CABIN1: variants seen among roughly 807,000 people sequenced by gnomAD.
CABIN1 encodes the protein calcineurin-binding protein cabin-1.
In CABIN1, 133 loss-of-function variants were observed where a neutral mutation model predicts 227.7. The observed-to-expected ratio is 0.58, with a 90% CI of 0.51 to 0.67. The LOEUF (loss-of-function observed/expected upper bound fraction) is 0.67, where lower values mean the gene tolerates loss of function less well. CABIN1 is among the 30% of genes least tolerant of loss of function. CABIN1 has a pLI of 0.00. For synonymous variants in CABIN1, 1,086 were observed against 1,155.1 expected (o/e 0.94, Z 1.21); for missense variants, 2,408 against 2,852.5 (o/e 0.84, Z 3.55).
At chr22:24,105,161 G>A (rs2042440209) in intron 26 of CABIN1, among the ~76,000 whole-genome samples, 1 of 152,306 alleles carries the variant, frequency 6.6e-6, no homozygotes, top group South Asian at 2.1e-4. Flanking sequence ...GGGACAGGCA[G>A]CCTTTCTGTC....
intron 26 of CABIN1, chr22:24,101,680 G>A (rs1161594580): frequency 6.6e-6 from 1 of 152,278 alleles, no homozygotes; most frequent in African/African-American, 2.4e-5. Flanking sequence ...CAATCTCTTG[G>A]AATTTGCCCA....
Position 24,085,119 on chromosome 22 carries a change from C to G in CABIN1, c.3231C>G (p.Phe1077Leu). 1 of 1,614,200 alleles carries G rather than the reference C, an allele frequency of 6.2e-7. No homozygotes were observed. Among genetic ancestry groups the G allele is most frequent in the East Asian group, 2.2e-5 (1 of 44,882 alleles). ...KNKEQSKAIKFYMHDICICPN... is the reference protein window; with the variant it reads ...KNKEQSKAIKLYMHDICICPN... ...AGGAGCAGTCCAAGGCCATCAAGTTCTACATGCATGACATCTGCATCTGCC... is the reference window on the plus strand; with the variant it reads ...AGGAGCAGTCCAAGGCCATCAAGTTGTACATGCATGACATCTGCATCTGCC... Residue 1077 changes from phenylalanine (F) to leucine (L), a missense_variant, in exon 22 of 37, where the codon TTC (phenylalanine) becomes TTG (leucine). This residue lies in a region of CABIN1 where 649 missense variants were observed against 910.3 expected (regional missense o/e 0.71). Coordinates refer to ENST00000263119, the MANE Select transcript of CABIN1 (RefSeq NM_012295.4).
At chr22:24,164,649 C>A in intron 30 of CABIN1, 86 bp downstream of exon 30, 1 of 1,465,538 alleles carries the variant, frequency 6.8e-7, no homozygotes, top group Non-Finnish European at 9.3e-7. Flanking sequence ...ACTGCTCTGG[C>A]CCAGCTGTGA....
rs145864566 is a variant in CABIN1 at position 24,136,524 on chromosome 22, A to ATTTTTTT, written c.4746+2127_4746+2133dup. 2.1e-3 allele frequency among the ~76,000 whole-genome samples: 148 copies of ATTTTTTT among 69,860 alleles called. 10 individuals carry two copies. The highest frequency in any genetic ancestry group is 8.4e-3 in the African/African-American group (138 of 16,466). The allele number at this position is 69,860 out of a possible 152,430, so 45.8% of individuals were successfully genotyped here. ...ACTGCCACGCCCAGCTAATTTTTGT[A>ATTTTTTT]TTTTTTTTTTTTTTTTTTTTTTTTA... is the stretch of plus-strand genomic sequence containing the variant. On this transcript the variant is annotated intron_variant, in intron 29 of 36. Transcript: ENST00000263119.
intron 29 of CABIN1, chr22:24,162,210 C>T (rs1389492280): frequency 1.3e-5 from 2 of 152,236 alleles, no homozygotes; most frequent in South Asian, 2.1e-4. Context: ...CCTCACCGTT[C>T]GGGAGGTATG....
At chr22:24,049,259 A>G in intron 7 of CABIN1, 39 bp downstream of exon 7, 2 of 1,607,704 alleles carry the variant, frequency 1.2e-6, no homozygotes, top group Non-Finnish European at 1.7e-6. Flanking sequence ...GTGCACGCTT[A>G]CTGTGTGGCT....
At chr22:24,059,783 C>T (rs571234246) in intron 11 of CABIN1, 141 bp from the exon 12 acceptor site, 3 of 786,408 alleles carry the variant, frequency 3.8e-6, no homozygotes, top group Non-Finnish European at 6.6e-6. Flanking sequence ...AGCCTGATCT[C>T]AGCACCACAA....
chr22:24,025,486 T>G (rs2036017388), intron 1 of CABIN1, among the ~76,000 whole-genome samples: 1 of 152,122 alleles, frequency 6.6e-6, no homozygotes, highest in South Asian at 2.1e-4. Flanking sequence ...CACATTTTTG[T>G]AGGTTTGGAA....
intron 27 of CABIN1, among the ~76,000 whole-genome samples, chr22:24,116,003 C>T (rs1375643149): frequency 2.0e-5 from 3 of 152,214 alleles, no homozygotes; most frequent in Non-Finnish European, 2.9e-5. Context: ...ATGAGATGCG[C>T]TCCCTCCCAC....
intron 4 of CABIN1, among the ~76,000 whole-genome samples, chr22:24,040,206 G>A (rs780352811): frequency 9.2e-5 from 14 of 152,220 alleles, no homozygotes; most frequent in Non-Finnish European, 1.9e-4. Flanking sequence ...GTTCTTGGGG[G>A]CCTTTTTGTA....
Position 24,087,540 on chromosome 22 carries a change from A to G in CABIN1, c.3352A>G (p.Ile1118Val), listed in dbSNP as rs35874284. 53 of 1,614,184 alleles carry G rather than the reference A, an allele frequency of 3.3e-5. No individual in the cohort carries two copies. The African/African-American group carries it at 6.7e-4, about 20-fold the overall frequency. Residue 1118 changes from isoleucine to valine, a missense_variant, in exon 23 of 37, where the codon ATT becomes GTT. Around this residue, in one of 3 missense-constraint regions of CABIN1, gnomAD observed 649 missense variants for 910.3 expected, o/e 0.71. Coordinates refer to ENST00000263119, the MANE Select transcript of CABIN1 (RefSeq NM_012295.4). ...CAATGAGCTGAAGAGTGATGGGCCCATTTGGAAGCATGCCACGCCCGTCTT... is the reference window on the plus strand; with the variant it reads ...CAATGAGCTGAAGAGTGATGGGCCCGTTTGGAAGCATGCCACGCCCGTCTT... The part of the protein sequence containing the change: ...NSNELKSDGP[I>V]WKHATPVLNC...
intron 26 of CABIN1, among the ~76,000 whole-genome samples, chr22:24,112,636 G>C (rs1251205130): frequency 6.6e-6 from 1 of 152,134 alleles, no homozygotes; most frequent in Non-Finnish European, 1.5e-5. Flanking sequence ...CTCAGACTTA[G>C]GTGGGCTCTG....
Position 24,141,392 on chromosome 22 carries a change from A to G in CABIN1, c.4746+6977A>G, listed in dbSNP as rs115398132. Among the ~76,000 whole-genome samples, 126 of 152,202 alleles carry G rather than the reference A, an allele frequency of 8.3e-4. 1 individual carries two copies. Among genetic ancestry groups the G allele is most frequent in the African/African-American group, 2.9e-3 (119 of 41,522 alleles). ...CTGGTGGTCTACCTCCCCTCTTCCT[A>G]GCGGATAGGTGGCTTTTGGTTTTCC... On this transcript the variant is annotated intron_variant, in intron 29 of 36. Coordinates refer to ENST00000263119, the MANE Select transcript of CABIN1 (RefSeq NM_012295.4).
chr22:24,145,663 C>T lies in CABIN1; in HGVS notation c.4746+11248C>T, dbSNP rs947771936. Among the ~76,000 whole-genome samples, 5 of 152,232 alleles carry T rather than the reference C, an allele frequency of 3.3e-5. No individual in the cohort carries two copies. In the East Asian group the frequency reaches 7.7e-4, roughly 24 times the overall value. ...TGCCAGGCATGTGGCCCTGGGTCTGCGTGCATGCATATGTCTGTCCTCCAA... is the reference window on the plus strand; with the variant it reads ...TGCCAGGCATGTGGCCCTGGGTCTGTGTGCATGCATATGTCTGTCCTCCAA... On this transcript the variant is annotated intron_variant, in intron 29 of 36. Transcript: ENST00000263119.
chr22:24,158,614 C>T (rs1169590380), intron 29 of CABIN1, among the ~76,000 whole-genome samples: 1 of 152,150 alleles, frequency 6.6e-6, no homozygotes, highest in East Asian at 1.9e-4. Context: ...ACTGCTATAC[C>T]CCTGACTCGG....
Position 24,166,878 on chromosome 22 carries a change from T to TAAA in CABIN1, c.5248_5250dup (p.Lys1750dup), listed in dbSNP as rs2046477184. The TAAA allele has an allele frequency of 6.2e-7, 1 of 1,611,344 alleles. No homozygotes were observed. The highest frequency in any genetic ancestry group is 1.3e-5 in the African/African-American group (1 of 74,836). ...CAGACCAAAGCGGGGAGCGGAAGGA[T>TAAA]AAAGAGAGCCCACGGGCAGGGCCCA... On this transcript the variant is annotated inframe_insertion, in exon 32 of 37. Transcript: ENST00000263119.
At chr22:24,173,313 G>A (rs978809486) in intron 34 of CABIN1, 1 of 152,200 alleles carries the variant, frequency 6.6e-6, no homozygotes, top group African/African-American at 2.4e-5. Context: ...GTCTTCCTCA[G>A]CTCTTTCCCA....
At chr22:24,058,695 C>T (rs2038977379) in intron 10 of CABIN1, among the ~76,000 whole-genome samples, 1 of 152,238 alleles carries the variant, frequency 6.6e-6, no homozygotes, top group African/African-American at 2.4e-5. Flanking sequence ...CTGGCCTGTG[C>T]CTTTGTACCT....
intron 1 of CABIN1, among the ~76,000 whole-genome samples, chr22:24,025,572 A>AGCT (rs2036023490): frequency 6.6e-6 from 1 of 152,208 alleles, no homozygotes; most frequent in Admixed American, 6.5e-5. Flanking sequence ...GGGGGATGGT[A>AGCT]GCTGAGTCAA....
Sources: allele counts gnomAD v4.1 joint callset (sites outside exome capture counted in the v4.1 genomes callset), GRCh38; gene constraint gnomAD v4.1.1; regional missense constraint gnomAD v4.1.1; transcripts MANE v1.5; gene names NCBI Gene and HGNC (gene_info 2026-07-23, HGNC 2026-07-21).